The following AIMP2 variants were observed in gnomAD, a reference collection of about 807,000 sequenced individuals.
The protein encoded by AIMP2 is aminoacyl tRNA synthetase complex interacting multifunctional protein 2.
In AIMP2, 20 loss-of-function variants were observed where a neutral mutation model predicts 23.4. That is an observed-to-expected ratio of 0.85 (90% CI 0.60 to 1.24). The LOEUF (loss-of-function observed/expected upper bound fraction) is 1.24. Among genes scored for constraint, AIMP2 ranks in the 50% most tolerant of loss-of-function variants. The probability of loss-of-function intolerance (pLI) is 0.00; values close to 1 mark genes in which losing one functional copy is unlikely to be tolerated. For missense variants in AIMP2, 515 were observed against 414.5 expected (o/e 1.24, Z -2.10); for synonymous variants, 210 against 170.4 (o/e 1.23, Z -1.81).
At position 6,010,486 on chromosome 7, in the gene AIMP2, A is replaced by G. The variant is rs549531145; in HGVS notation, c.135+988A>G. 4.0e-3 allele frequency among the ~76,000 whole-genome samples: 600 copies of G among 150,798 alleles called. 9 individuals are homozygous for G. The highest frequency in any genetic ancestry group is 0.014 in the African/African-American group (566 of 41,044). On this transcript the variant is annotated intron_variant, in intron 1 of 3. Coordinates refer to ENST00000223029, the MANE Select transcript of AIMP2 (RefSeq NM_006303.4). ...TTTTTTTCAGATGGAGTCTCACTCT[A>G]TCACCCAGGCTGGAGTGCAGTGGTG...
Position 6,015,172 on chromosome 7 carries a change from T to C in AIMP2, c.162T>C (p.Ala54=). 1 of 1,614,158 alleles carries C rather than the reference T, an allele frequency of 6.2e-7. No homozygotes were observed. The highest frequency in any genetic ancestry group is 8.5e-7 in the Non-Finnish European group (1 of 1,179,998). ...AAGAGTCTAACCTGTCTCTGCAAGC[T>C]CTTGAGTCCCGCCAAGATGATATTT... The part of the protein sequence containing the change: ...VQEESNLSLQ[A]LESRQDDILK... The change falls in exon 2 of 4, where the codon GCT becomes GCC. Residue 54 remains alanine, a synonymous_variant. Coordinates refer to ENST00000223029, the MANE Select transcript of AIMP2 (RefSeq NM_006303.4).
intron 1 of AIMP2, 132 bp from the exon 2 acceptor site, chr7:6,015,014 C>G (rs1786932352): frequency 4.6e-6 from 7 of 1,530,320 alleles, no homozygotes; most frequent in South Asian, 1.3e-5. Flanking sequence ...GCCACCACAC[C>G]CAGCCCATAA....
At chr7:6,019,826 A>C (rs1321431018) in intron 3 of AIMP2, among the ~76,000 whole-genome samples, 3 of 152,094 alleles carry the variant, frequency 2.0e-5, no homozygotes, top group Admixed American at 2.0e-4. Context: ...GATCAAGATT[A>C]TCCTGGCCAA....
At chr7:6,020,419 T>TA (rs750673225) in intron 3 of AIMP2, among the ~76,000 whole-genome samples, 5 of 150,550 alleles carry the variant, frequency 3.3e-5, no homozygotes, top group African/African-American at 1.2e-4. Flanking sequence ...AGACTCCGTC[T>TA]CAAAAAAAAA....
intron 2 of AIMP2, among the ~76,000 whole-genome samples, chr7:6,016,527 G>C (rs960518463): frequency 6.6e-6 from 1 of 152,154 alleles, no homozygotes; most frequent in African/African-American, 2.4e-5. Context: ...CAGATGAGGT[G>C]CAACCAGGCC....
chr7:6,009,607 C>T, intron 1 of AIMP2, 109 bp downstream of exon 1: 1 of 988,076 alleles, frequency 1.0e-6, no homozygotes, highest in South Asian at 3.0e-5. Context: ...GGCCCCACCC[C>T]GGCATCTGTG....
At chr7:6,023,216 GT>G in intron 3 of AIMP2, 86 bp from the exon 4 acceptor site, 1 of 1,438,948 alleles carries the variant, frequency 6.9e-7, no homozygotes, top group Non-Finnish European at 9.3e-7. Context: ...AGTCTGTGGT[GT>G]TTGGTGACTG....
At chr7:6,021,499 A>G (rs1787414802) in intron 3 of AIMP2, among the ~76,000 whole-genome samples, 1 of 152,250 alleles carries the variant, frequency 6.6e-6, no homozygotes, top group Admixed American at 6.5e-5. Flanking sequence ...GATGTGCGTG[A>G]CTTCATAGGA....
intron 3 of AIMP2, among the ~76,000 whole-genome samples, chr7:6,020,943 TA>T (rs763341145): frequency 5.3e-5 from 8 of 152,316 alleles, no homozygotes; most frequent in Non-Finnish European, 1.0e-4. Flanking sequence ...CGGGAAAAGA[TA>T]AACACAGCTG....
chr7:6,009,886 T>TCG (rs1786442318), intron 1 of AIMP2, among the ~76,000 whole-genome samples: 1 of 141,886 alleles, frequency 7.0e-6, no homozygotes, highest in Non-Finnish European at 1.5e-5. Flanking sequence ...GAGGCGGAGT[T>TCG]TGCAGTGAGC....
At chr7:6,009,974 A>AAATATACATATATATATATATATATATAT in intron 1 of AIMP2, among the ~76,000 whole-genome samples, 3 of 26,674 alleles carry the variant, frequency 1.1e-4, no homozygotes, top group Non-Finnish European at 2.0e-4. Flanking sequence ...AAAAAAAAAA[A>AAATATACATATATATATATATATATATAT]ATATATATAT....
At chr7:6,014,957 TG>T (rs1562724221) in intron 1 of AIMP2, 188 bp from the exon 2 acceptor site, 6 of 1,306,888 alleles carry the variant, frequency 4.6e-6, no homozygotes, top group Middle Eastern at 2.9e-4. Context: ...TGACGTCAGA[TG>T]ATCTGCCTAC....
At chr7:6,014,967 A>C (rs931743432) in intron 1 of AIMP2, 179 bp from the exon 2 acceptor site, 1 of 1,377,090 alleles carries the variant, frequency 7.3e-7, no homozygotes, top group Non-Finnish European at 9.5e-7. Context: ...TGATCTGCCT[A>C]CCTGGACCTC....
chr7:6,012,309 A>T (rs1006609691), intron 1 of AIMP2, among the ~76,000 whole-genome samples: 32 of 152,238 alleles, frequency 2.1e-4, no homozygotes, highest in African/African-American at 7.2e-4. Flanking sequence ...TGAAAGCAAC[A>T]TGAAGAATAA....
At chr7:6,014,901 G>A (rs550241202) in intron 1 of AIMP2, 1 of 603,208 alleles carries the variant, frequency 1.7e-6, no homozygotes, top group Non-Finnish European at 2.5e-6. Flanking sequence ...TGTATTTCTA[G>A]TAGAGACGGG....
At position 6,023,830 on chromosome 7, in the gene AIMP2, A is replaced by G; in HGVS notation, c.*139A>G. On this transcript the variant is annotated 3_prime_UTR_variant, in exon 4 of 4. Coordinates refer to ENST00000223029, the MANE Select transcript of AIMP2 (RefSeq NM_006303.4). ...CAAGTGTCAATAAAAGCATCATGTA[A>G]TTTATGGTTTTCATTTTATTTAAAA... 1 of 1,557,918 alleles carries G rather than the reference A, an allele frequency of 6.4e-7. No homozygotes were observed. Among genetic ancestry groups the G allele is most frequent in the Middle Eastern group, 1.7e-4 (1 of 5,992 alleles).
At chr7:6,017,765 G>C (rs752122268) in intron 2 of AIMP2, 49 bp from the exon 3 acceptor site, 2 of 1,532,754 alleles carry the variant, frequency 1.3e-6, no homozygotes, top group Non-Finnish European at 1.8e-6. Flanking sequence ...CCGGCACAGT[G>C]GCACTCTCCG....
intron 1 of AIMP2, among the ~76,000 whole-genome samples, chr7:6,012,267 GA>G (rs1251725811): frequency 6.8e-6 from 1 of 146,228 alleles, no homozygotes; most frequent in East Asian, 2.1e-4. Context: ...AAAAAAAAAA[GA>G]AAAAAAGCAA....
intron 3 of AIMP2, among the ~76,000 whole-genome samples, chr7:6,020,067 G>A (rs1158509753): frequency 6.6e-6 from 1 of 150,882 alleles, no homozygotes; most frequent in South Asian, 2.1e-4. Context: ...CACTATAGCT[G>A]CACCAGGAGG....
Sources: allele counts gnomAD v4.1 joint callset (sites outside exome capture counted in the v4.1 genomes callset), GRCh38; gene constraint gnomAD v4.1.1; transcripts MANE v1.5; gene names NCBI Gene and HGNC (gene_info 2026-07-23, HGNC 2026-07-21).